EVL: variants seen among roughly 807,000 people sequenced by gnomAD.
EVL encodes the protein Enah/Vasp-like, also known as ena/VASP-like protein.
In EVL, 21 loss-of-function variants were observed where a neutral mutation model predicts 59.6. The observed-to-expected ratio is 0.35, with a 90% CI of 0.25 to 0.51. EVL has a LOEUF of 0.51. Ranked by LOEUF, EVL falls within the 20% of genes least tolerant of loss-of-function variation. The pLI is 0.97. For missense variants in EVL, 462 were observed against 546.6 expected, an observed-to-expected ratio of 0.85 and a Z score of 1.54; for synonymous variants, 198 against 203.5, an observed-to-expected ratio of 0.97 and a Z score of 0.23.
intron 1 of EVL, among the ~76,000 whole-genome samples, chr14:100,055,506 C>A (rs1204301398): frequency 6.6e-6 from 1 of 152,178 alleles, no homozygotes; most frequent in Non-Finnish European, 1.5e-5. Flanking sequence ...TTTCTGAAAT[C>A]TTGTATACCT....
At chr14:100,051,205 A>G (rs998725300) in intron 1 of EVL, among the ~76,000 whole-genome samples, 13 of 152,250 alleles carry the variant, frequency 8.5e-5, no homozygotes, top group African/African-American at 3.1e-4. Context: ...TCTGAGTAGC[A>G]TGATGAAACC....
intron 3 of EVL, among the ~76,000 whole-genome samples, chr14:100,102,998 A>C (rs1291327808): frequency 1.3e-5 from 2 of 151,338 alleles, no homozygotes; most frequent in Non-Finnish European, 2.9e-5. Context: ...GCTACTTGGG[A>C]GGCTGAGGCA....
At chr14:100,121,023 T>C (rs1445357535) in intron 3 of EVL, among the ~76,000 whole-genome samples, 1 of 152,124 alleles carries the variant, frequency 6.6e-6, no homozygotes, top group Non-Finnish European at 1.5e-5. Flanking sequence ...GAATCCAAGC[T>C]CAGCTCGGGC....
At chr14:99,988,010 G>A (rs192591608) in intron 1 of EVL, among the ~76,000 whole-genome samples, 1 of 147,152 alleles carries the variant, frequency 6.8e-6, no homozygotes, top group African/African-American at 2.5e-5. Flanking sequence ...TGCCCCCTGA[G>A]TTCAAGTGAT....
intron 3 of EVL, among the ~76,000 whole-genome samples, chr14:100,116,371 G>T (rs769260429): frequency 1.3e-5 from 2 of 152,178 alleles, no homozygotes. Flanking sequence ...AGCAAGTGCT[G>T]GATCCTTTGT....
chr14:100,043,218 GAT>G (rs764319013), intron 1 of EVL, among the ~76,000 whole-genome samples: 50 of 151,122 alleles, frequency 3.3e-4, no homozygotes, highest in Admixed American at 1.7e-3. Context: ...ATAGGAGATA[GAT>G]ATATATATAT....
intron 1 of EVL, among the ~76,000 whole-genome samples, chr14:100,035,383 A>T: frequency 6.7e-6 from 1 of 148,258 alleles, no homozygotes; most frequent in African/African-American, 2.5e-5. Flanking sequence ...AGATGGGGCC[A>T]TCTGTTTTCT....
chr14:100,068,509 C>T (rs975732009), intron 1 of EVL, among the ~76,000 whole-genome samples: 1 of 152,148 alleles, frequency 6.6e-6, no homozygotes, highest in African/African-American at 2.4e-5. Flanking sequence ...TGGATAATGG[C>T]TGGCAGTGTG....
chr14:100,093,866 T>C (rs1885615591), intron 2 of EVL, among the ~76,000 whole-genome samples: 2 of 152,230 alleles, frequency 1.3e-5, no homozygotes, highest in African/African-American at 4.8e-5. Context: ...AAAATATTAA[T>C]TAAATGGGAA....
At chr14:100,034,007 C>G (rs938681498) in intron 1 of EVL, among the ~76,000 whole-genome samples, 3 of 151,860 alleles carry the variant, frequency 2.0e-5, no homozygotes, top group African/African-American at 4.8e-5. Flanking sequence ...GGGCGGATCA[C>G]CTGAGGTCAG....
In EVL at chr14:100,125,375, A is replaced by G. The variant is rs1189258270; in HGVS notation, c.423-1332A>G. On this transcript the variant is annotated intron_variant, in intron 4 of 13. Transcript: ENST00000392920. Reference sequence around the variant, plus strand: ...ACTTACTCAGTGACGCAGAGACTCCAAGCATCCAAACAGTACCATAGGTTC... The same window carrying G: ...ACTTACTCAGTGACGCAGAGACTCCGAGCATCCAAACAGTACCATAGGTTC... 8.5e-5 allele frequency among the ~76,000 whole-genome samples: 13 copies of G among 152,262 alleles called. 1 individual carries two copies. The South Asian group carries it at 2.7e-3, about 32-fold the overall frequency.
chr14:100,059,704 G>A lies in EVL; in HGVS notation c.6-24983G>A, dbSNP rs552534692. ...CCAGAACTGTCACACTTTAGGAGTA[G>A]GACTGTGCTCTTGAGTCAGATGGGG... On this transcript the variant is annotated intron_variant, in intron 1 of 13. Coordinates refer to the EVL transcript ENST00000402714. Among the ~76,000 whole-genome samples the A allele has an allele frequency of 1.6e-4, 25 of 152,118 alleles. No homozygotes were observed. The South Asian group carries it at 3.7e-3, about 23-fold the overall frequency.
At chr14:100,054,049 C>CTT (rs11302582) in intron 1 of EVL, among the ~76,000 whole-genome samples, 307 of 61,236 alleles carry the variant, frequency 5.0e-3, no homozygotes, top group East Asian at 7.2e-3. Flanking sequence ...TATTTTTGGA[C>CTT]TTTTTTTTTT....
intron 3 of EVL, among the ~76,000 whole-genome samples, chr14:100,111,506 A>G (rs978202055): frequency 3.9e-5 from 6 of 152,112 alleles, no homozygotes; most frequent in Admixed American, 2.0e-4. Context: ...CAGAGTTGTC[A>G]TGAGGCTCAA....
intron 1 of EVL, among the ~76,000 whole-genome samples, chr14:100,031,976 C>T (rs1020965359): frequency 6.6e-6 from 1 of 152,206 alleles, no homozygotes; most frequent in African/African-American, 2.4e-5. Context: ...GGCTCCCCTG[C>T]CTAGTTTTTC....
At chr14:100,015,858 G>A (rs1337945967) in intron 1 of EVL, among the ~76,000 whole-genome samples, 1 of 151,248 alleles carries the variant, frequency 6.6e-6, no homozygotes, top group African/African-American at 2.4e-5. Context: ...ATCATTTGAT[G>A]CCAGGAGTTC....
At chr14:99,982,563 A>G (rs1414687935) in intron 1 of EVL, among the ~76,000 whole-genome samples, 1 of 152,292 alleles carries the variant, frequency 6.6e-6, no homozygotes, top group East Asian at 1.9e-4. Flanking sequence ...GAGAGAAGTA[A>G]ATGGGGTTAA....
chr14:100,028,134 G>GTTTTTTT (rs137903594), intron 1 of EVL, among the ~76,000 whole-genome samples: 13 of 118,768 alleles, frequency 1.1e-4, no homozygotes, highest in Non-Finnish European at 1.3e-4. Flanking sequence ...TTGTTTGTTT[G>GTTTTTTT]TTTTTTTTTT....
chr14:100,107,380 G>A (rs937093581), intron 3 of EVL: 1 of 398,178 alleles, frequency 2.5e-6, no homozygotes, highest in Non-Finnish European at 4.4e-6. Context: ...CCGGGGTAGG[G>A]CCAGTGAGTG....
Sources: gnomAD v4.1 joint callset for allele counts (sites outside exome capture counted in the v4.1 genomes callset) on GRCh38, gnomAD v4.1.1 for gene constraint, MANE v1.5 for transcripts, NCBI Gene and HGNC (gene_info 2026-07-23, HGNC 2026-07-21) for gene names.